The following NANOG variants were observed in gnomAD, a reference collection of about 807,000 sequenced individuals.
The protein encoded by NANOG is Nanog homeobox, also known as homeobox protein NANOG.
A neutral mutation model predicts 17.7 loss-of-function variants in NANOG; 2 were observed. That is an observed-to-expected ratio of 0.11 (90% confidence interval 0.05 to 0.36). NANOG has a LOEUF of 0.36. Ranked by LOEUF, NANOG falls within the 10% of genes least tolerant of loss-of-function variation. The pLI is 1.00. For missense variants in NANOG, 174 were observed against 362.1 expected, an observed-to-expected ratio of 0.48 and a Z score of 4.22; for synonymous variants, 81 against 124.7, an observed-to-expected ratio of 0.65 and a Z score of 2.33.
chr12:7,794,577 A>C, intron 3 of NANOG, 34 bp downstream of exon 3: 5 of 1,607,224 alleles, frequency 3.1e-6, no homozygotes, highest in Non-Finnish European at 4.3e-6. Context: ...CTTTCCTTTC[A>C]GTGATCTTTC....
chr12:7,789,530 C>A lies in NANOG; in HGVS notation c.-85C>A. 1 of 1,238,452 alleles carries A rather than the reference C, an allele frequency of 8.1e-7. No individual in the cohort carries two copies. The highest frequency in any genetic ancestry group is 1.3e-5 in the South Asian group (1 of 78,108). 76.7% of individuals were successfully genotyped at this position (1,238,452 alleles called of 1,614,324 possible). A position where few individuals can be genotyped will look rare whatever the true frequency, so the allele number is the denominator to read the frequency against. ...CCTTCTGGAGGTCCTATTTCTCTAA[C>A]ATCTTCCAGAAAAGTCTTAAAGCTG... is the stretch of plus-strand genomic sequence containing the variant. On this transcript the variant is annotated 5_prime_UTR_variant, in exon 1 of 4. Transcript: ENST00000229307.
At chr12:7,791,033 A>G (rs1862833678) in intron 1 of NANOG, among the ~76,000 whole-genome samples, 1 of 150,800 alleles carries the variant, frequency 6.6e-6, no homozygotes. Context: ...GCGCTGACCC[A>G]CTCTGCATGG....
intron 1 of NANOG, among the ~76,000 whole-genome samples, chr12:7,792,043 C>T (rs113031263): frequency 0.026 from 4,015 of 152,192 alleles, 178 homozygotes; most frequent in African/African-American, 0.091. Flanking sequence ...TACAGGCATG[C>T]GCCACCACTC....
At chr12:7,789,894 T>A in intron 1 of NANOG, 129 bp downstream of exon 1, 1 of 991,976 alleles carries the variant, frequency 1.0e-6, no homozygotes, top group Non-Finnish European at 1.5e-6. Context: ...TATTATCAAC[T>A]AATCCTCTGG....
chr12:7,791,450 T>C (rs993387705), intron 1 of NANOG, among the ~76,000 whole-genome samples: 30 of 152,138 alleles, frequency 2.0e-4, no homozygotes, highest in African/African-American at 6.3e-4. Flanking sequence ...GGGATGTGTT[T>C]TCTTTAGCAC....
rs1862958925 is a variant in NANOG, at chr12:7,798,586, A to G, written c.*3491A>G. 6.6e-6 allele frequency: 1 copy of G among 152,128 alleles called. No individual in the cohort carries two copies. The highest frequency in any genetic ancestry group is 1.5e-5 in the Non-Finnish European group (1 of 68,048). The allele number at this position is 152,128 out of a possible 1,614,324, so 9.4% of individuals were successfully genotyped here. ...CATTTTCATTTCAGTTTGTACCTGAAGGAGAGAAGCATGGATTGAATTTGC... is the reference window on the plus strand; with the variant it reads ...CATTTTCATTTCAGTTTGTACCTGAGGGAGAGAAGCATGGATTGAATTTGC... On this transcript the variant is annotated 3_prime_UTR_variant, in exon 4 of 4. Coordinates refer to ENST00000229307, the MANE Select transcript of NANOG (RefSeq NM_024865.4).
intron 1 of NANOG, among the ~76,000 whole-genome samples, chr12:7,791,825 T>C (rs1862844927): frequency 1.3e-5 from 2 of 152,216 alleles, no homozygotes; most frequent in Admixed American, 6.5e-5. Flanking sequence ...AAGGCCTGGA[T>C]TGAAACAGAA....
intron 2 of NANOG, among the ~76,000 whole-genome samples, chr12:7,793,912 T>C (rs1234648919): frequency 6.6e-6 from 1 of 152,144 alleles, no homozygotes; most frequent in African/African-American, 2.4e-5. Context: ...TGGCTAATTT[T>C]ACTGTATTTT....
At chr12:7,793,941 C>A (rs1361251449) in intron 2 of NANOG, among the ~76,000 whole-genome samples, 2 of 152,192 alleles carry the variant, frequency 1.3e-5, no homozygotes, top group African/African-American at 4.8e-5. Context: ...GATGGGGCTT[C>A]ACCATGTTGG....
At chr12:7,793,755 G>A (rs1862876485) in intron 2 of NANOG, among the ~76,000 whole-genome samples, 15 of 152,104 alleles carry the variant, frequency 9.9e-5, no homozygotes, top group Admixed American at 9.8e-4. Context: ...AGGCTGGAGT[G>A]CAGTGGCCTC....
rs547732132 is a variant in NANOG at position 7,793,646 on chromosome 12, G to T, written c.414+434G>T. On this transcript the variant is annotated intron_variant, in intron 2 of 3. Transcript: ENST00000229307. ...TAAGGCCAATCATTGTTTATTACTT[G>T]TTGGCCATTTTCCTTCATTAATTGG... Among the ~76,000 whole-genome samples, 6 of 151,764 alleles carry T rather than the reference G, an allele frequency of 4.0e-5. No individual in the cohort carries two copies. The South Asian group carries it at 8.3e-4, about 21-fold the overall frequency.
intron 1 of NANOG, among the ~76,000 whole-genome samples, chr12:7,791,094 T>A (rs1026164445): frequency 2.2e-5 from 3 of 133,678 alleles, no homozygotes; most frequent in African/African-American, 9.0e-5. Flanking sequence ...GCCTTTATAA[T>A]TTCTTTCTTT....
In NANOG at chr12:7,798,245, T is replaced by C. The variant is rs10845902; in HGVS notation, c.*3150T>C. ...TACAGAAATTTGCCAGAGGTCTTGG[T>C]TTGCGCCTGTAATCTCAGCTACTTG... On this transcript the variant is annotated 3_prime_UTR_variant, in exon 4 of 4. Transcript: ENST00000229307. The C allele has an allele frequency of 0.71, 107,915 of 152,050 alleles. 39,395 individuals are homozygous for C. Among genetic ancestry groups the C allele is most frequent in the Non-Finnish European group, 0.8 (54,202 of 68,024 alleles). 9.4% of individuals were successfully genotyped at this position (152,050 alleles called of 1,614,324 possible).
At position 7,797,219 on chromosome 12, in the gene NANOG, T is replaced by C. The variant is rs1318466270; in HGVS notation, c.*2124T>C. On this transcript the variant is annotated 3_prime_UTR_variant, in exon 4 of 4. Transcript: ENST00000229307. Reference sequence around the variant, plus strand: ...ACAGGCACCCAACATTACACCCGGCTAATTTTTGGTATTTTTAGTAGAGAT... The same window carrying C: ...ACAGGCACCCAACATTACACCCGGCCAATTTTTGGTATTTTTAGTAGAGAT... The C allele has an allele frequency of 2.0e-5, 3 of 151,738 alleles. No individual in the cohort carries two copies. The East Asian group carries it at 5.8e-4, about 29-fold the overall frequency. The allele number at this position is 151,738 out of a possible 1,614,324, so 9.4% of individuals were successfully genotyped here. A position where few individuals can be genotyped will look rare whatever the true frequency, so the allele number is the denominator to read the frequency against.
chr12:7,794,386 A>G (rs1862887177), intron 2 of NANOG, 71 bp from the exon 3 acceptor site: 1 of 1,364,506 alleles, frequency 7.3e-7, no homozygotes, highest in Non-Finnish European at 1.0e-6. Flanking sequence ...AATAAAAGTT[A>G]GCAATATACT....
Position 7,793,887 on chromosome 12 carries a change from G to A in NANOG, c.415-570G>A, listed in dbSNP as rs188617120. Among the ~76,000 whole-genome samples the A allele has an allele frequency of 2.6e-3, 387 of 151,424 alleles. 2 individuals are homozygous for A. The highest frequency in any genetic ancestry group is 8.7e-3 in the East Asian group (45 of 5,144). On this transcript the variant is annotated intron_variant, in intron 2 of 3. Coordinates refer to ENST00000229307, the MANE Select transcript of NANOG (RefSeq NM_024865.4). ...CTCCCAAGTAGCTGGGATTACAGGCGCCCGCCACTACACCTGGCTAATTTT... is the reference window on the plus strand; with the variant it reads ...CTCCCAAGTAGCTGGGATTACAGGCACCCGCCACTACACCTGGCTAATTTT...
Position 7,798,322 on chromosome 12 carries a change from G to A in NANOG, c.*3227G>A, listed in dbSNP as rs978491234. ...AACCCGGGAGGTTGCAGTGACCCCA[G>A]ATAATGCCACCCCACTCCAGCCTGG... On this transcript the variant is annotated 3_prime_UTR_variant, in exon 4 of 4. Transcript: ENST00000229307. 6.6e-6 allele frequency: 1 copy of A among 152,200 alleles called. No homozygotes were observed. Among genetic ancestry groups the A allele is most frequent in the Non-Finnish European group, 1.5e-5 (1 of 68,036 alleles). The allele number at this position is 152,200 out of a possible 1,614,324, so 9.4% of individuals were successfully genotyped here.
chr12:7,789,733 T>G lies in NANOG; in HGVS notation c.119T>G (p.Met40Arg), dbSNP rs776103820. The G allele has an allele frequency of 6.2e-7, 1 of 1,613,978 alleles. No individual in the cohort carries two copies. Among genetic ancestry groups the G allele is most frequent in the African/African-American group, 1.3e-5 (1 of 74,926 alleles). Residue 40 changes from methionine (M) to arginine (R), a missense_variant, in exon 1 of 4, where the codon ATG (methionine) becomes AGG (arginine). Met to Arg is a moderately conservative substitution (Grantham distance 91). This residue lies in a region of NANOG where 158 missense variants were observed against 244.2 expected (regional missense o/e 0.65). Transcript: ENST00000229307. Reference protein sequence around the residue: ...GPEENYPSLQMSSAEMPHTET... With the variant: ...GPEENYPSLQRSSAEMPHTET... ...GAAGAAAACTATCCATCCTTGCAAATGTCTTCTGCTGAGATGCCTCACACG... is the reference window on the plus strand; with the variant it reads ...GAAGAAAACTATCCATCCTTGCAAAGGTCTTCTGCTGAGATGCCTCACACG...
At position 7,789,452 on chromosome 12, in the gene NANOG, G is replaced by A. The variant is rs1862803186; in HGVS notation, c.-163G>A. ...AACGTTCTGCTGGACTGAGCTGGTT[G>A]CCTCATGTTATTATGCAGGCAACTC... is the stretch of plus-strand genomic sequence containing the variant. On this transcript the variant is annotated 5_prime_UTR_variant, in exon 1 of 4. Transcript: ENST00000229307. 1 of 621,690 alleles carries A rather than the reference G, an allele frequency of 1.6e-6. No homozygotes were observed. Among genetic ancestry groups the A allele is most frequent in the African/African-American group, 1.8e-5 (1 of 54,296 alleles). The allele number at this position is 621,690 out of a possible 1,614,324, so 38.5% of individuals were successfully genotyped here.
Sources: allele counts gnomAD v4.1 joint callset (sites outside exome capture counted in the v4.1 genomes callset), GRCh38; gene constraint gnomAD v4.1.1; regional missense constraint gnomAD v4.1.1; transcripts MANE v1.5; gene names NCBI Gene and HGNC (gene_info 2026-07-23, HGNC 2026-07-21).